The following PCSK5 variants were observed in gnomAD, a reference collection of about 807,000 sequenced individuals.
PCSK5 encodes the protein proprotein convertase subtilisin/kexin type 5, also known as prohormone convertase 5.
PCSK5 carries 129 observed loss-of-function variants against 233.2 expected under a neutral mutation model. The ratio of observed to expected loss-of-function variants is 0.55; its 90% confidence interval spans 0.48 to 0.64. PCSK5 has a LOEUF of 0.64. Ranked by LOEUF, PCSK5 falls within the 30% of genes least tolerant of loss-of-function variation. The pLI, the probability that PCSK5 is intolerant of heterozygous loss-of-function variation, is 0.00. For synonymous variants in PCSK5, 825 were observed against 879.2 expected (o/e 0.94, Z 1.09); for missense variants, 2,076 against 2,430.1 (o/e 0.85, Z 3.06).
chr9:76,207,423 C>T (rs571102966), intron 20 of PCSK5, among the ~76,000 whole-genome samples: 11 of 152,214 alleles, frequency 7.2e-5, no homozygotes, highest in South Asian at 4.2e-4. Context: ...AATAAATGTC[C>T]GCTGGATTGT....
chr9:76,082,166 T>G (rs1830867181), intron 7 of PCSK5, among the ~76,000 whole-genome samples: 1 of 152,188 alleles, frequency 6.6e-6, no homozygotes, highest in African/African-American at 2.4e-5. Context: ...ATTTTACATG[T>G]CATCTTAGGA....
intron 19 of PCSK5, 41 bp from the exon 20 acceptor site, chr9:76,189,590 C>A: frequency 1.7e-6 from 2 of 1,172,546 alleles, no homozygotes; most frequent in Non-Finnish European, 2.6e-6. Context: ...TTCCCCTGTG[C>A]ATGTGTGAAT....
chr9:76,005,838 T>C (rs917814558), intron 3 of PCSK5, among the ~76,000 whole-genome samples: 5 of 152,014 alleles, frequency 3.3e-5, no homozygotes. Context: ...GGCTCTGTTG[T>C]CAGTTTTTGA....
chr9:76,356,766 T>C (rs1362292579), intron 37 of PCSK5, among the ~76,000 whole-genome samples: 6 of 152,184 alleles, frequency 3.9e-5, no homozygotes. Context: ...TCAGATCTAA[T>C]TGATCAATAT....
intron 20 of PCSK5, among the ~76,000 whole-genome samples, chr9:76,216,044 G>T: frequency 6.6e-6 from 1 of 152,284 alleles, no homozygotes; most frequent in Non-Finnish European, 1.5e-5. Flanking sequence ...GGACTGAATT[G>T]TTCTAGAGGC....
chr9:75,968,054 G>A (rs561403528), intron 2 of PCSK5, among the ~76,000 whole-genome samples: 11 of 152,034 alleles, frequency 7.2e-5, no homozygotes, highest in Non-Finnish European at 1.5e-4. Flanking sequence ...GAGCCACTGC[G>A]CCTGGCCAGG....
intron 8 of PCSK5, among the ~76,000 whole-genome samples, chr9:76,105,075 G>A (rs2131674981): frequency 6.6e-6 from 1 of 152,346 alleles, no homozygotes; most frequent in East Asian, 1.9e-4. Flanking sequence ...GTCTCAGAGA[G>A]ATTGCGGCAC....
At chr9:76,260,379 A>G (rs1040608507) in intron 24 of PCSK5, among the ~76,000 whole-genome samples, 3 of 152,228 alleles carry the variant, frequency 2.0e-5, no homozygotes, top group Non-Finnish European at 4.4e-5. Flanking sequence ...TGAGATGGGG[A>G]GATTATTCTG....
chr9:76,111,607 TG>T (rs1470625948), intron 9 of PCSK5, among the ~76,000 whole-genome samples: 1 of 152,200 alleles, frequency 6.6e-6, no homozygotes. Flanking sequence ...GGTAACTTTC[TG>T]GTGTTTCAGC....
chr9:76,321,815 T>C lies in PCSK5; in HGVS notation c.4102+176T>C, dbSNP rs574274110. Among the ~76,000 whole-genome samples the C allele has an allele frequency of 1.7e-4, 26 of 152,306 alleles. No individual in the cohort carries two copies. In the South Asian group the frequency reaches 3.5e-3, roughly 21 times the overall value. Reference sequence around the variant, plus strand: ...AGGGTGAGATACACCCTTTTCATTATGGATGCTGCAAGTTAAGACAAGCAA... The same window carrying C: ...AGGGTGAGATACACCCTTTTCATTACGGATGCTGCAAGTTAAGACAAGCAA... On this transcript the variant is annotated intron_variant, in intron 31 of 37. Coordinates refer to ENST00000674117, the MANE Select transcript of PCSK5 (RefSeq NM_001372043.1).
intron 2 of PCSK5, among the ~76,000 whole-genome samples, chr9:75,958,052 C>A (rs539981287): frequency 6.6e-6 from 1 of 152,074 alleles, no homozygotes; most frequent in Non-Finnish European, 1.5e-5. Flanking sequence ...TTGTTCCAGG[C>A]GGTTATTCAT....
chr9:76,321,122 A>G (rs1329426037), intron 30 of PCSK5, among the ~76,000 whole-genome samples: 1 of 151,968 alleles, frequency 6.6e-6, no homozygotes, highest in East Asian at 1.9e-4. Context: ...CCAGTTAGCT[A>G]TCTTTTTAAG....
chr9:76,171,562 G>T (rs2131185948), intron 13 of PCSK5, among the ~76,000 whole-genome samples: 1 of 152,294 alleles, frequency 6.6e-6, no homozygotes, highest in South Asian at 2.1e-4. Flanking sequence ...ACCATGCATT[G>T]CATCTAAGGG....
intron 20 of PCSK5, among the ~76,000 whole-genome samples, chr9:76,204,604 G>A (rs1387424062): frequency 1.3e-5 from 2 of 151,710 alleles, no homozygotes; most frequent in East Asian, 1.9e-4. Context: ...GGAATCACAG[G>A]TCCACAATTG....
chr9:76,311,206 A>C (rs2131439391), intron 30 of PCSK5, among the ~76,000 whole-genome samples: 1 of 152,232 alleles, frequency 6.6e-6, no homozygotes, highest in African/African-American at 2.4e-5. Flanking sequence ...CCGTCTACAA[A>C]ATATTTAAAA....
intron 35 of PCSK5, among the ~76,000 whole-genome samples, chr9:76,349,273 C>CAAAAAAAAAAAAAAA (rs71372068): frequency 1.5e-5 from 1 of 66,496 alleles, no homozygotes; most frequent in Non-Finnish European, 2.9e-5. Flanking sequence ...GACTCTGTCT[C>CAAAAAAAAAAAAAAA]AAAAAAAAAA....
intron 1 of PCSK5, among the ~76,000 whole-genome samples, chr9:75,915,744 T>G (rs1386108135): frequency 1.3e-5 from 2 of 152,226 alleles, no homozygotes; most frequent in African/African-American, 2.4e-5. Context: ...TATGCAGATA[T>G]GAGGAATGGT....
chr9:75,989,358 G>A (rs954657551), intron 3 of PCSK5, among the ~76,000 whole-genome samples: 5 of 152,168 alleles, frequency 3.3e-5, no homozygotes, highest in African/African-American at 4.8e-5. Context: ...GCTGGACGAG[G>A]TGGCGTGCTC....
chr9:75,891,454 C>A, intron 1 of PCSK5, 81 bp downstream of exon 1: 1 of 1,156,470 alleles, frequency 8.6e-7, no homozygotes, highest in Non-Finnish European at 1.2e-6. Context: ...AACCCCCTCC[C>A]CCTCTTCCAG....
Sources: allele counts gnomAD v4.1 joint callset (sites outside exome capture counted in the v4.1 genomes callset), GRCh38; gene constraint gnomAD v4.1.1; transcripts MANE v1.5; gene names NCBI Gene and HGNC (gene_info 2026-07-23, HGNC 2026-07-21).